DMD: variants seen among roughly 807,000 people sequenced by gnomAD.
DMD encodes mutant dystrophin.
A neutral mutation model predicts 330.1 loss-of-function variants in DMD; 63 were observed. The ratio of observed to expected loss-of-function variants is 0.19; its 90% CI spans 0.16 to 0.24. DMD has a LOEUF of 0.24. Ranked by LOEUF, DMD falls within the 10% of genes least tolerant of loss-of-function variation. The pLI is 1.00. For missense variants in DMD, 3,344 were observed against 2,684.1 expected (o/e 1.25, Z -5.43); for synonymous variants, 1,223 against 959.8 (o/e 1.27, Z -5.07).
At chrX:31,898,729 A>G (rs2094382594) in intron 47 of DMD, among the ~76,000 whole-genome samples, 1 of 112,391 alleles carries the variant, frequency 8.9e-6, no homozygotes, top group African/African-American at 3.2e-5. Context: ...GTAATCCTTT[A>G]GGGTTTTACC....
intron 74 of DMD, among the ~76,000 whole-genome samples, chrX:31,167,283 G>A (rs1334668121): frequency 9.0e-6 from 1 of 111,661 alleles, no homozygotes; most frequent in East Asian, 2.8e-4. Flanking sequence ...TTCACAGAAA[G>A]GCGACAGTCT....
At chrX:31,566,370 T>C (rs766519483) in intron 55 of DMD, among the ~76,000 whole-genome samples, 18 of 111,866 alleles carry the variant, frequency 1.6e-4, no homozygotes, top group African/African-American at 3.9e-4. Context: ...CTCTATTGAA[T>C]TGCTTTTGCA....
At chrX:33,177,809 TCA>T (rs2049756567) in intron 1 of DMD, among the ~76,000 whole-genome samples, 1 of 112,412 alleles carries the variant, frequency 8.9e-6, no homozygotes, top group African/African-American at 3.2e-5. Flanking sequence ...CAGAACCTAC[TCA>T]TTTTTTATAA....
chrX:33,150,129 T>C (rs373231614), intron 1 of DMD, among the ~76,000 whole-genome samples: 30 of 110,943 alleles, frequency 2.7e-4, no homozygotes, highest in African/African-American at 6.5e-4. Context: ...GGGAGAGGGA[T>C]ATTAGAAAAG....
intron 40 of DMD, 180 bp downstream of exon 40, chrX:32,342,954 C>T (rs901752554): frequency 2.0e-5 from 10 of 504,337 alleles, no homozygotes; most frequent in Non-Finnish European, 2.8e-5. Flanking sequence ...TTCAACATTA[C>T]GTCAATTGAA....
rs754277763 is a variant in DMD, at chrX:32,374,131, T to G, written c.4845+6379A>C. Among the ~76,000 whole-genome samples the G allele has an allele frequency of 6.6e-4, 74 of 111,304 alleles. 1 individual carries two copies. The highest frequency in any genetic ancestry group is 1.3e-3 in the Non-Finnish European group (70 of 52,973). On this transcript the variant is annotated intron_variant, in intron 34 of 78. Transcript: ENST00000357033. ...TCGAGGAGTGTCTATTCACGTTCTT[T>G]GTCCTGTTTTTAATCTGTTTTTTTT... is the stretch of plus-strand genomic sequence containing the variant.
chrX:32,435,219 T>TA (rs1056291778), intron 29 of DMD, among the ~76,000 whole-genome samples: 3 of 102,476 alleles, frequency 2.9e-5, no homozygotes, highest in African/African-American at 1.0e-4. Context: ...GGGATATATA[T>TA]ATATGTATAT....
chrX:31,902,716 G>A (rs1450334097), intron 47 of DMD, among the ~76,000 whole-genome samples: 3 of 111,478 alleles, frequency 2.7e-5, no homozygotes, highest in African/African-American at 9.8e-5. Flanking sequence ...TAGGTATAAA[G>A]CATTATAAGA....
In DMD at chrX:31,341,891, G is replaced by GCGCGCGCACA. The variant is rs374298104; in HGVS notation, c.9163+6664_9163+6665insTGTGCGCGCG. ...GGCGTGCGCGCGTGCGTGCGCGCGC[G>GCGCGCGCACA]CACACACACACACACACACACACAC... On this transcript the variant is annotated intron_variant, in intron 61 of 78. Transcript: ENST00000357033. 4.9e-3 allele frequency among the ~76,000 whole-genome samples: 487 copies of GCGCGCGCACA among 98,872 alleles called. 5 individuals carry two copies. The highest frequency in any genetic ancestry group is 0.017 in the African/African-American group (453 of 27,242). The allele number at this position is 98,872 out of a possible 115,157, so 85.9% of individuals were successfully genotyped here. A position where few individuals can be genotyped will look rare whatever the true frequency, so the allele number is the denominator to read the frequency against.
chrX:31,359,783 C>T lies in DMD; in HGVS notation c.9085-11149G>A, dbSNP rs1370913416. Among the ~76,000 whole-genome samples, 7 of 111,668 alleles carry T rather than the reference C, an allele frequency of 6.3e-5. No homozygotes were observed. In the Admixed American group the frequency reaches 6.7e-4, roughly 11 times the overall value. On this transcript the variant is annotated intron_variant, in intron 60 of 78. Coordinates refer to ENST00000357033, the MANE Select transcript of DMD (RefSeq NM_004006.3). The stretch of plus-strand genomic sequence containing the variant: ...GAACATCACTATGAGGAAAGTACAC[C>T]ATAGTGACCATTTTACAGATGAGGA...
rs373643616 is a variant in DMD, at chrX:32,193,151, T to A, written c.6438+23765A>T. 4.5e-5 allele frequency among the ~76,000 whole-genome samples: 5 copies of A among 111,477 alleles called. No homozygotes were observed. In the East Asian group the frequency reaches 1.4e-3, roughly 32 times the overall value. ...CTCCCGTTCTGCCTTCTGCCACGAC[T>A]GGAAGCTTCCCGAAGCCTCCACAGA... On this transcript the variant is annotated intron_variant, in intron 44 of 78. Transcript: ENST00000357033.
chrX:33,247,883 A>G (rs2052695228), intron 1 of DMD, among the ~76,000 whole-genome samples: 1 of 111,663 alleles, frequency 9.0e-6, no homozygotes, highest in Non-Finnish European at 1.9e-5. Context: ...AATTTACATA[A>G]CTATGACAAG....
intron 60 of DMD, among the ~76,000 whole-genome samples, chrX:31,415,243 A>T (rs2061815521): frequency 8.9e-6 from 1 of 112,497 alleles, no homozygotes; most frequent in African/African-American, 3.2e-5. Flanking sequence ...ATGAAAACAC[A>T]TTGATCAAAC....
chrX:31,973,740 A>C, intron 44 of DMD, among the ~76,000 whole-genome samples: 1 of 111,884 alleles, frequency 8.9e-6, no homozygotes, highest in Non-Finnish European at 1.9e-5. Flanking sequence ...GCCTAGGGGA[A>C]CTAAGTGCCC....
At chrX:31,938,454 T>A (rs1244322399) in intron 45 of DMD, among the ~76,000 whole-genome samples, 1 of 112,098 alleles carries the variant, frequency 8.9e-6, no homozygotes, top group African/African-American at 3.2e-5. Flanking sequence ...TGTACTACTT[T>A]AAAATTATAT....
At chrX:32,488,567 G>A (rs572945065) in intron 20 of DMD, among the ~76,000 whole-genome samples, 1 of 111,589 alleles carries the variant, frequency 9.0e-6, no homozygotes, top group Admixed American at 9.6e-5. Context: ...AGCTTATCTT[G>A]CTAAATATTT....
intron 2 of DMD, among the ~76,000 whole-genome samples, chrX:32,880,793 A>G (rs771136111): frequency 2.7e-5 from 3 of 111,458 alleles, no homozygotes; most frequent in Non-Finnish European, 3.8e-5. Flanking sequence ...ACAAATACAA[A>G]ATTAGCCAGG....
At chrX:31,511,567 G>A (rs1206316986) in intron 55 of DMD, among the ~76,000 whole-genome samples, 2 of 100,116 alleles carry the variant, frequency 2.0e-5, no homozygotes, top group Non-Finnish European at 4.0e-5. Context: ...CCACCTATGA[G>A]TGAGAATATG....
intron 44 of DMD, among the ~76,000 whole-genome samples, chrX:31,992,107 T>C (rs73449945): frequency 0.088 from 9,828 of 111,259 alleles, 1,065 homozygotes; most frequent in African/African-American, 0.3. Flanking sequence ...TGGGAGCTAA[T>C]AGACACTCCT....
Sources: allele counts gnomAD v4.1 joint callset (sites outside exome capture counted in the v4.1 genomes callset), GRCh38; gene constraint gnomAD v4.1.1; transcripts MANE v1.5; gene names NCBI Gene and HGNC (gene_info 2026-07-23, HGNC 2026-07-21).